ARB2A: variants seen among roughly 807,000 people sequenced by gnomAD.
The protein encoded by ARB2A is ARB2 cotranscriptional regulator A, also known as cotranscriptional regulator ARB2A.
At chr5:93,718,084 C>T in the ARB2A span, among the ~76,000 whole-genome samples, 1 of 151,964 alleles carries the variant, frequency 6.6e-6, no homozygotes, top group Non-Finnish European at 1.5e-5. Context: ...CCACCCACCT[C>T]AGCTTCCCAA....
chr5:93,999,625 T>A, the ARB2A span, among the ~76,000 whole-genome samples: 1 of 151,884 alleles, frequency 6.6e-6, no homozygotes, highest in African/African-American at 2.4e-5. Context: ...AACAGCCTCC[T>A]CCAGAGTGAT....
chr5:94,080,540 G>GC, the ARB2A span, among the ~76,000 whole-genome samples: 2 of 152,158 alleles, frequency 1.3e-5, no homozygotes, highest in African/African-American at 4.8e-5. Flanking sequence ...GTGCTGCTCA[G>GC]CTAGAGAGTG....
the ARB2A span, among the ~76,000 whole-genome samples, chr5:93,745,754 A>G: frequency 1.3e-5 from 2 of 151,994 alleles, no homozygotes; most frequent in African/African-American, 2.4e-5. Context: ...AGTCAGAGAG[A>G]GAGGGCAGGG....
the ARB2A span, among the ~76,000 whole-genome samples, chr5:93,960,088 C>G: frequency 1.1e-4 from 16 of 144,742 alleles, 2 homozygotes; most frequent in Non-Finnish European, 2.1e-4. Context: ...GATGCCCCCC[C>G]CCCCCCCAAA....
chr5:93,877,550 C>T, the ARB2A span, among the ~76,000 whole-genome samples: 1 of 151,930 alleles, frequency 6.6e-6, no homozygotes, highest in Non-Finnish European at 1.5e-5. Context: ...AATGCCAAAA[C>T]ATATAAAGCA....
the ARB2A span, among the ~76,000 whole-genome samples, chr5:94,105,387 T>C: frequency 3.3e-5 from 5 of 151,976 alleles, no homozygotes; most frequent in East Asian, 1.9e-4. Flanking sequence ...CCATTCACAA[T>C]AGCCACAAAA....
the ARB2A span, among the ~76,000 whole-genome samples, chr5:93,745,764 G>A: frequency 2.6e-5 from 4 of 152,028 alleles, no homozygotes; most frequent in South Asian, 8.3e-4. Flanking sequence ...AGAGGGCAGG[G>A]CAGACTAGAT....
chr5:94,103,361 T>G, the ARB2A span, among the ~76,000 whole-genome samples: 1 of 152,042 alleles, frequency 6.6e-6, no homozygotes, highest in African/African-American at 2.4e-5. Context: ...AGAGACAGAT[T>G]GCTCTTTTAA....
the ARB2A span, among the ~76,000 whole-genome samples, chr5:94,015,746 GA>G: frequency 1.3e-5 from 2 of 152,010 alleles, no homozygotes; most frequent in Non-Finnish European, 2.9e-5. Context: ...TTTGCTATAA[GA>G]TTTTTTTTGT....
chr5:94,102,121 CAG>C, the ARB2A span, among the ~76,000 whole-genome samples: 2 of 145,104 alleles, frequency 1.4e-5, no homozygotes, highest in South Asian at 2.2e-4. Flanking sequence ...AAAAAAAAGT[CAG>C]AGTGTCTTCC....
the ARB2A span, chr5:93,739,863 C>T: frequency 1.3e-5 from 2 of 152,038 alleles, no homozygotes; most frequent in Non-Finnish European, 2.9e-5. Flanking sequence ...GCTTGCCAAC[C>T]TCAGTAACAA....
the ARB2A span, among the ~76,000 whole-genome samples, chr5:93,680,349 C>T: frequency 2.0e-5 from 3 of 151,882 alleles, no homozygotes; most frequent in African/African-American, 4.8e-5. Flanking sequence ...AATGGAGATT[C>T]CCCCAATATT....
chr5:93,828,874 T>G, the ARB2A span, among the ~76,000 whole-genome samples: 1 of 152,132 alleles, frequency 6.6e-6, no homozygotes, highest in African/African-American at 2.4e-5. Context: ...CTTCCCAGGT[T>G]CAAGCGATTT....
chr5:93,901,147 G>A, the ARB2A span, among the ~76,000 whole-genome samples: 9 of 152,216 alleles, frequency 5.9e-5, no homozygotes, highest in African/African-American at 1.7e-4. Context: ...TTAGAAATCC[G>A]CAACCACATT....
chr5:93,857,182 G>T, the ARB2A span, among the ~76,000 whole-genome samples: 189 of 152,040 alleles, frequency 1.2e-3, no homozygotes, highest in African/African-American at 4.4e-3. Flanking sequence ...TGAGGTGTCA[G>T]TCTGCCCCTA....
chr5:94,014,003 C>A, the ARB2A span, among the ~76,000 whole-genome samples: 1 of 152,150 alleles, frequency 6.6e-6, no homozygotes, highest in Non-Finnish European at 1.5e-5. Context: ...ACCAGATCCC[C>A]ACCATCTTGG....
chr5:94,074,069 C>G, the ARB2A span, among the ~76,000 whole-genome samples: 1 of 152,088 alleles, frequency 6.6e-6, no homozygotes, highest in East Asian at 1.9e-4. Context: ...ACTTTCTGCT[C>G]AGCTTCCTGA....
chr5:94,094,100 T>C, the ARB2A span, among the ~76,000 whole-genome samples: 13 of 152,208 alleles, frequency 8.5e-5, no homozygotes, highest in Non-Finnish European at 1.6e-4. Flanking sequence ...AGGTATTTGG[T>C]AGAGCAACAT....
the ARB2A span, among the ~76,000 whole-genome samples, chr5:93,810,193 T>C: frequency 9.8e-4 from 149 of 151,648 alleles, 3 homozygotes; most frequent in South Asian, 0.031. Flanking sequence ...TGTGTAGGTT[T>C]CGTTTTTTTT....
Sources: gnomAD v4.1 joint callset for allele counts (sites outside exome capture counted in the v4.1 genomes callset) on GRCh38, gnomAD v4.1.1 for gene constraint, MANE v1.5 for transcripts, NCBI Gene and HGNC (gene_info 2026-07-23, HGNC 2026-07-21) for gene names.